The following ZNF626 variants were observed in gnomAD, a reference collection of about 807,000 sequenced individuals.
ZNF626 encodes zinc finger protein 626.
A neutral mutation model predicts 11.7 loss-of-function variants in ZNF626; 4 were observed. That is an observed-to-expected ratio of 0.34 (90% CI 0.17 to 0.78). The LOEUF is 0.78. Among genes scored for constraint, ZNF626 ranks in the 30% least tolerant of loss-of-function variants. ZNF626 has a pLI of 0.57. For missense variants in ZNF626, 588 were observed against 587.1 expected (o/e 1.00, Z -0.01); for synonymous variants, 179 against 198.6 (o/e 0.90, Z 0.83).
At chr19:20,626,512 A>AG (rs1484239319) in intron 3 of ZNF626, among the ~76,000 whole-genome samples, 4 of 152,130 alleles carry the variant, frequency 2.6e-5, no homozygotes, top group African/African-American at 9.7e-5. Context: ...TTAGGTGAGA[A>AG]TTTGAGACCA....
At chr19:20,647,647 T>C (rs1425491326) in intron 1 of ZNF626, among the ~76,000 whole-genome samples, 2 of 151,832 alleles carry the variant, frequency 1.3e-5, no homozygotes, top group South Asian at 2.1e-4. Flanking sequence ...CCACCATGCC[T>C]GGCTAATTTT....
At position 20,623,626 on chromosome 19, in the gene ZNF626, T is replaced by A. The variant is rs890674498; in HGVS notation, c.*664A>T. ...CCAGCCTGACAAACATGGTGTAACC[T>A]TGTCTCTACTAAAAATACAAAAGTT... On this transcript the variant is annotated 3_prime_UTR_variant, in exon 4 of 4. Coordinates refer to ENST00000601440, the MANE Select transcript of ZNF626 (RefSeq NM_001076675.3). The A allele has an allele frequency of 1.1e-5, 2 of 176,722 alleles. No homozygotes were observed. The highest frequency in any genetic ancestry group is 2.4e-4 in the South Asian group (2 of 8,166). 10.9% of individuals were successfully genotyped at this position (176,722 alleles called of 1,614,324 possible).
At chr19:20,631,488 T>C (rs1377500996) in intron 3 of ZNF626, among the ~76,000 whole-genome samples, 4 of 151,728 alleles carry the variant, frequency 2.6e-5, no homozygotes, top group African/African-American at 9.7e-5. Context: ...GGTGCATATA[T>C]ATTTAGGATA....
intron 1 of ZNF626, among the ~76,000 whole-genome samples, chr19:20,650,364 A>G (rs1359630970): frequency 6.6e-6 from 1 of 152,172 alleles, no homozygotes; most frequent in Non-Finnish European, 1.5e-5. Context: ...CATTTTTGTG[A>G]CTTGTGGAGC....
At chr19:20,639,276 T>C (rs1969997927) in intron 3 of ZNF626, among the ~76,000 whole-genome samples, 1 of 151,804 alleles carries the variant, frequency 6.6e-6, no homozygotes, top group Non-Finnish European at 1.5e-5. Context: ...ACATTAAGGA[T>C]TTATACTGCA....
chr19:20,651,186 CA>C (rs34904142), intron 1 of ZNF626, among the ~76,000 whole-genome samples: 22,096 of 126,712 alleles, frequency 0.17, 1,746 homozygotes, highest in African/African-American at 0.27. Context: ...GACTCCATAT[CA>C]AAAAAAAAAA....
intron 1 of ZNF626, among the ~76,000 whole-genome samples, chr19:20,651,620 C>T (rs1481380481): frequency 6.6e-6 from 1 of 152,116 alleles, no homozygotes; most frequent in Non-Finnish European, 1.5e-5. Context: ...CTCTTGTCAG[C>T]CTGACACAAT....
chr19:20,624,220 G>T lies in ZNF626; in HGVS notation c.*70C>A. 6.2e-7 allele frequency: 1 copy of T among 1,610,378 alleles called. No homozygotes were observed. The highest frequency in any genetic ancestry group is 8.5e-7 in the Non-Finnish European group (1 of 1,177,632). Reference sequence around the variant, plus strand: ...TCCAGTATGAATTTTCTTATGTGTAGTAAGGTTAGAGAAATGCTTAAAAGC... The same window carrying T: ...TCCAGTATGAATTTTCTTATGTGTATTAAGGTTAGAGAAATGCTTAAAAGC... On this transcript the variant is annotated 3_prime_UTR_variant, in exon 4 of 4. Transcript: ENST00000601440.
chr19:20,642,810 G>A (rs1282425555), intron 3 of ZNF626, among the ~76,000 whole-genome samples: 2 of 151,968 alleles, frequency 1.3e-5, no homozygotes, highest in East Asian at 3.9e-4. Context: ...CTGAGGTCAG[G>A]TCAACCAGTC....
intron 1 of ZNF626, 86 bp downstream of exon 1, chr19:20,661,358 G>A (rs1183797966): frequency 1.4e-5 from 21 of 1,553,992 alleles, no homozygotes; most frequent in Non-Finnish European, 1.9e-5. Flanking sequence ...GCTGACTGCG[G>A]GGAGGCCTGA....
intron 1 of ZNF626, among the ~76,000 whole-genome samples, chr19:20,651,275 A>C (rs540755653): frequency 1.3e-5 from 2 of 152,024 alleles, no homozygotes; most frequent in Non-Finnish European, 2.9e-5. Context: ...ACAACAATAT[A>C]AAGTGGCAAA....
In ZNF626 at chr19:20,625,557, T is replaced by G. The variant is rs944345516; in HGVS notation, c.320A>C (p.Glu107Ala). 2 of 1,612,790 alleles carry G rather than the reference T, an allele frequency of 1.2e-6. No individual in the cohort carries two copies. Among genetic ancestry groups the G allele is most frequent in the Admixed American group, 3.3e-5 (2 of 59,864 alleles). Residue 107 changes from glutamate to alanine, a missense_variant, in exon 4 of 4, where the codon GAA becomes GCA. Transcript: ENST00000601440. ...TTTTTTTAACTGTAAATTGTCATGT[T>G]CACATTTTTCATATCTTCTCAGTAC... Reference protein sequence around the residue: ...KVVLRRYEKCEHDNLQLKKGC... With the variant: ...KVVLRRYEKCAHDNLQLKKGC...
chr19:20,625,264 C>G lies in ZNF626; in HGVS notation c.613G>C (p.Glu205Gln). 1 of 1,613,770 alleles carries G rather than the reference C, an allele frequency of 6.2e-7. No homozygotes were observed. Among genetic ancestry groups the G allele is most frequent in the Non-Finnish European group, 8.5e-7 (1 of 1,179,980 alleles). The stretch of plus-strand genomic sequence containing the variant: ...GAGTGGTTAAAGGCTTTGCCACATT[C>G]TTCACATTTGTAGGGTTTCCCTCCA... Reference protein sequence around the residue: ...HTGGKPYKCEECGKAFNHSCS... With the variant: ...HTGGKPYKCEQCGKAFNHSCS... The change falls in exon 4 of 4, where the codon GAA (glutamate) becomes CAA (glutamine). Residue 205 changes from glutamate (E) to glutamine (Q), a missense_variant. Coordinates refer to ENST00000601440, the MANE Select transcript of ZNF626 (RefSeq NM_001076675.3).
chr19:20,652,833 A>G (rs1289774598), intron 1 of ZNF626, among the ~76,000 whole-genome samples: 1 of 152,136 alleles, frequency 6.6e-6, no homozygotes, highest in Non-Finnish European at 1.5e-5. Flanking sequence ...CACATTTGTG[A>G]GCTTTTTAGC....
In ZNF626 at chr19:20,625,376, A is replaced by G; in HGVS notation, c.501T>C (p.His167=). ...FPNSNGQKRG[H]TGKKPFKYIE... ...TATATTTGAAAGGTTTTTTCCCAGTATGTCCTCTCTTTTGTCCGTTTGAAT... is the reference window on the plus strand; with the variant it reads ...TATATTTGAAAGGTTTTTTCCCAGTGTGTCCTCTCTTTTGTCCGTTTGAAT... The change falls in exon 4 of 4, where the codon CAT becomes CAC. Residue 167 remains histidine, a synonymous_variant. Coordinates refer to ENST00000601440, the MANE Select transcript of ZNF626 (RefSeq NM_001076675.3). The G allele has an allele frequency of 6.2e-7, 1 of 1,614,048 alleles. No individual in the cohort carries two copies. Among genetic ancestry groups the G allele is most frequent in the Non-Finnish European group, 8.5e-7 (1 of 1,180,002 alleles).
At chr19:20,648,399 T>C (rs1467136530) in intron 1 of ZNF626, among the ~76,000 whole-genome samples, 1 of 148,648 alleles carries the variant, frequency 6.7e-6, no homozygotes, top group Non-Finnish European at 1.5e-5. Flanking sequence ...TTTTCTGAGA[T>C]GGAGTCTGGC....
At chr19:20,627,132 A>C (rs568516686) in intron 3 of ZNF626, among the ~76,000 whole-genome samples, 64 of 152,208 alleles carry the variant, frequency 4.2e-4, no homozygotes, top group African/African-American at 1.5e-3. Context: ...AAAAACAAAA[A>C]TTGTGGATAT....
At chr19:20,637,256 A>C (rs761241816) in intron 3 of ZNF626, among the ~76,000 whole-genome samples, 4 of 152,116 alleles carry the variant, frequency 2.6e-5, no homozygotes, top group African/African-American at 7.2e-5. Flanking sequence ...TGGAAGGCCA[A>C]GGGGGGAATC....
Position 20,623,986 on chromosome 19 carries a change from T to C in ZNF626, c.*304A>G. On this transcript the variant is annotated 3_prime_UTR_variant, in exon 4 of 4. Coordinates refer to ENST00000601440, the MANE Select transcript of ZNF626 (RefSeq NM_001076675.3). ...TTCTTAGTTAGAAATTGAGGGCTGG[T>C]TAAAAGATTTTCCCCATTCATCACA... is the stretch of plus-strand genomic sequence containing the variant. The C allele has an allele frequency of 1.9e-6, 1 of 536,510 alleles. No individual in the cohort carries two copies. The highest frequency in any genetic ancestry group is 3.4e-6 in the Non-Finnish European group (1 of 293,984). The allele number at this position is 536,510 out of a possible 1,614,324, so 33.2% of individuals were successfully genotyped here.
Sources: allele counts gnomAD v4.1 joint callset (sites outside exome capture counted in the v4.1 genomes callset), GRCh38; gene constraint gnomAD v4.1.1; transcripts MANE v1.5; gene names NCBI Gene and HGNC (gene_info 2026-07-23, HGNC 2026-07-21).